Variants in MPV17 observed in about 807,000 individuals in gnomAD.
MPV17 encodes the protein mitochondrial inner membrane protein MPV17.
A neutral mutation model predicts 28.6 loss-of-function variants in MPV17; 31 were observed. The observed-to-expected ratio is 1.08, with a 90% confidence interval of 0.81 to 1.46. The LOEUF (loss-of-function observed/expected upper bound fraction) is 1.46. Among genes scored for constraint, MPV17 ranks in the 40% most tolerant of loss-of-function variants. MPV17 has a pLI of 0.00. For missense variants in MPV17, 198 were observed against 216.2 expected (o/e 0.92, Z 0.53); for synonymous variants, 87 against 85.3 (o/e 1.02, Z -0.11).
intron 7 of MPV17, chr2:27,311,582 T>G: frequency 6.5e-7 from 1 of 1,550,286 alleles, no homozygotes; most frequent in Non-Finnish European, 8.7e-7. Flanking sequence ...CTGTCTAACC[T>G]AGGCTGCAGC....
intron 7 of MPV17, chr2:27,311,270 A>T: frequency 2.9e-6 from 1 of 341,732 alleles, no homozygotes; most frequent in Non-Finnish European, 5.5e-6. Flanking sequence ...TATATTGCCC[A>T]GGCTGGTGTG....
At chr2:27,311,448 T>C (rs1679436269) in intron 7 of MPV17, 1 of 791,962 alleles carries the variant, frequency 1.3e-6, no homozygotes. Context: ...GTTCCCACGA[T>C]CCTTCACCTT....
rs1174735946 is a variant in MPV17, at chr2:27,317,100, G to A, written c.71-3991C>T. On this transcript the variant is annotated intron_variant, in intron 2 of 7. Transcript: ENST00000380044. The surrounding 1 kb of genome is among the most constrained non-coding windows in gnomAD (Gnocchi z 4.0). ...TACTTTTGTGGCTTTTGAGTTTCAT[G>A]CGCAGAAGGCAGAGGGGCAAGAAGT... The A allele has an allele frequency of 2.6e-6, 4 of 1,549,146 alleles. No homozygotes were observed. The highest frequency in any genetic ancestry group is 1.8e-4 in the Middle Eastern group (1 of 5,414).
chr2:27,320,524 C>T (rs1218994350), intron 2 of MPV17, among the ~76,000 whole-genome samples: 1 of 151,926 alleles, frequency 6.6e-6, no homozygotes, highest in African/African-American at 2.4e-5. Context: ...TTAGTAGAGA[C>T]GGGGTTTCAC....
In MPV17 at chr2:27,312,994, C is replaced by T; in HGVS notation, c.186G>A (p.Val62=). The T allele has an allele frequency of 6.2e-7, 1 of 1,614,188 alleles. No individual in the cohort carries two copies. The highest frequency in any genetic ancestry group is 1.1e-5 in the South Asian group (1 of 91,082). The stretch of plus-strand genomic sequence containing the variant: ...AAGCCCTGTTGAGGGGAGAACTTAC[C>T]ACAAAGCCACAGCCCAGGGACACCA... ...LTMVSLGCGF[V]GPVVGGWYKV... Residue 62 remains valine, a splice_region_variant and synonymous_variant, in exon 3 of 8, where the codon GTG becomes GTA. Transcript: ENST00000380044.
At chr2:27,316,473 T>C (rs564781970) in intron 2 of MPV17, among the ~76,000 whole-genome samples, 6 of 152,236 alleles carry the variant, frequency 3.9e-5, no homozygotes, top group African/African-American at 1.4e-4. Flanking sequence ...GGGATTCCTT[T>C]GCCCACAGAT....
chr2:27,310,105 C>T, intron 7 of MPV17, 124 bp from the exon 8 acceptor site: 1 of 771,832 alleles, frequency 1.3e-6, no homozygotes, highest in Non-Finnish European at 2.3e-6. Context: ...AGGTCTCTTT[C>T]CTTCAGCACC....
At chr2:27,316,130 C>A in intron 2 of MPV17, 1 of 1,551,140 alleles carries the variant, frequency 6.4e-7, no homozygotes. Context: ...CTTTACTCCC[C>A]CAAATTCCAT....
At chr2:27,318,968 T>C (rs1679758341) in intron 2 of MPV17, among the ~76,000 whole-genome samples, 1 of 151,926 alleles carries the variant, frequency 6.6e-6, no homozygotes, top group South Asian at 2.1e-4. Flanking sequence ...TTTCACCATG[T>C]TGGCCAGGCT....
chr2:27,322,483 G>A lies in MPV17; in HGVS notation c.35C>T (p.Ala12Val), dbSNP rs573379897. The A allele has an allele frequency of 2.5e-6, 4 of 1,614,050 alleles. No homozygotes were observed. The Admixed American group carries it at 5.0e-5, about 20-fold the overall frequency. ...ALWRAYQRALAAHPWKVQVLT... is the reference protein window; with the variant it reads ...ALWRAYQRALVAHPWKVQVLT... Reference sequence around the variant, plus strand: ...GACCTGTACTTTCCACGGGTGAGCGGCCAGGGCCCGCTGGTATGCCCGCCA... The same window carrying A: ...GACCTGTACTTTCCACGGGTGAGCGACCAGGGCCCGCTGGTATGCCCGCCA... The change falls in exon 2 of 8, where the codon GCC (alanine) becomes GTC (valine). Residue 12 changes from alanine to valine, a missense_variant. Coordinates refer to ENST00000380044, the MANE Select transcript of MPV17 (RefSeq NM_002437.5).
chr2:27,312,915 G>C, intron 3 of MPV17, 79 bp downstream of exon 3: 1 of 1,567,688 alleles, frequency 6.4e-7, no homozygotes, highest in Non-Finnish European at 8.8e-7. Flanking sequence ...AGGTGTGAGA[G>C]TCCAAGGGAA....
At chr2:27,312,045 GA>G in intron 6 of MPV17, 94 bp from the exon 7 acceptor site, 5 of 1,509,378 alleles carry the variant, frequency 3.3e-6, no homozygotes, top group Non-Finnish European at 4.6e-6. Context: ...CTGCACACAA[GA>G]AAAAGGTGAA....
At chr2:27,316,106 C>T (rs1679640361) in intron 2 of MPV17, 1 of 1,550,852 alleles carries the variant, frequency 6.4e-7, no homozygotes, top group South Asian at 1.2e-5. Context: ...TAGACTAATG[C>T]ACTTCCTCTC....
intron 7 of MPV17, 130 bp downstream of exon 7, chr2:27,311,769 G>A: frequency 6.4e-7 from 1 of 1,561,500 alleles, no homozygotes; most frequent in Non-Finnish European, 8.7e-7. Flanking sequence ...GGAATCTGAG[G>A]AACTCTGATC....
chr2:27,320,588 C>T (rs185026073), intron 2 of MPV17, among the ~76,000 whole-genome samples: 2 of 152,244 alleles, frequency 1.3e-5, no homozygotes, highest in East Asian at 1.9e-4. Context: ...CCCACCTCGG[C>T]GTCCCAAAGT....
intron 2 of MPV17, chr2:27,316,878 C>A: frequency 1.9e-6 from 1 of 520,238 alleles, no homozygotes; most frequent in Non-Finnish European, 3.4e-6. Context: ...GGTGTGACAT[C>A]ATGCCCCTGG....
chr2:27,313,274 A>G, intron 2 of MPV17, 165 bp from the exon 3 acceptor site: 2 of 1,472,516 alleles, frequency 1.4e-6, no homozygotes, highest in Non-Finnish European at 9.2e-7. Flanking sequence ...CAAAGCCCTC[A>G]CCTCCCCAAT....
chr2:27,312,967 T>C (rs756370189), intron 3 of MPV17, 27 bp downstream of exon 3: 27 of 1,612,116 alleles, frequency 1.7e-5, no homozygotes, highest in Non-Finnish European at 2.1e-5. Flanking sequence ...TTGAGTCCAC[T>C]GAAGCCCTGT....
At chr2:27,319,448 A>C (rs1679774173) in intron 2 of MPV17, among the ~76,000 whole-genome samples, 1 of 144,712 alleles carries the variant, frequency 6.9e-6, no homozygotes, top group Admixed American at 6.7e-5. Context: ...TCTGTTGCCC[A>C]GGCTGGAGTG....
Sources: gnomAD v4.1 joint callset for allele counts (sites outside exome capture counted in the v4.1 genomes callset) on GRCh38, gnomAD v4.1.1 for gene constraint, Gnocchi (gnomAD v3.1) non-coding constraint, MANE v1.5 for transcripts, NCBI Gene and HGNC (gene_info 2026-07-23, HGNC 2026-07-21) for gene names.